OXR1: variants seen among roughly 807,000 people sequenced by gnomAD.
OXR1 encodes oxidation resistance protein 1.
A neutral mutation model predicts 104.6 loss-of-function variants in OXR1; 41 were observed. The ratio of observed to expected loss-of-function variants is 0.39; its 90% confidence interval spans 0.31 to 0.51. The LOEUF is 0.51. OXR1 is among the 20% of genes least tolerant of loss of function. OXR1 has a pLI of 0.77. For missense variants in OXR1, 955 were observed against 1,031.9 expected (o/e 0.93, Z 1.02); for synonymous variants, 348 against 348.4 (o/e 1.00, Z 0.01).
chr8:106,432,967 G>T (rs1346045211), intron 2 of OXR1, among the ~76,000 whole-genome samples: 1 of 152,158 alleles, frequency 6.6e-6, no homozygotes, highest in African/African-American at 2.4e-5. Flanking sequence ...TCCATATTGA[G>T]ATTGATCTAT....
At position 106,752,285 on chromosome 8, in the gene OXR1, A is replaced by C. The variant is rs1835936234; in HGVS notation, c.*1344A>C. The C allele has an allele frequency of 2.0e-5, 3 of 152,658 alleles. No individual in the cohort carries two copies. Among genetic ancestry groups the C allele is most frequent in the Middle Eastern group, 3.4e-3 (1 of 294 alleles). The allele number at this position is 152,658 out of a possible 1,614,324, so 9.5% of individuals were successfully genotyped here. A position where few individuals can be genotyped will look rare whatever the true frequency, so the allele number is the denominator to read the frequency against. On this transcript the variant is annotated 3_prime_UTR_variant, in exon 17 of 17. Transcript: ENST00000517566. ...CAGGTTGCTTATAGCACTTTAAGTT[A>C]TTCTAAAAATGAAATTATAAGCCAA...
At chr8:106,454,885 G>A (rs1820518595) in intron 2 of OXR1, among the ~76,000 whole-genome samples, 2 of 152,110 alleles carry the variant, frequency 1.3e-5, no homozygotes, top group Non-Finnish European at 2.9e-5. Flanking sequence ...TTCCCCAGAT[G>A]GACGGGGTCT....
intron 3 of OXR1, among the ~76,000 whole-genome samples, chr8:106,630,381 A>G (rs897866733): frequency 2.0e-5 from 3 of 152,214 alleles, no homozygotes; most frequent in African/African-American, 7.2e-5. Context: ...CAGCTAAGAA[A>G]ACTGGGGCAC....
intron 2 of OXR1, among the ~76,000 whole-genome samples, chr8:106,485,755 A>G (rs574947208): frequency 6.6e-6 from 1 of 152,236 alleles, no homozygotes; most frequent in Non-Finnish European, 1.5e-5. Flanking sequence ...GTATATATAC[A>G]TGATGGAATA....
chr8:106,715,869 G>A (rs536479122), intron 11 of OXR1, among the ~76,000 whole-genome samples: 6 of 152,232 alleles, frequency 3.9e-5, no homozygotes, highest in South Asian at 2.1e-4. Flanking sequence ...TCCTTTGACC[G>A]GAATTGGTGC....
chr8:106,522,292 A>G (rs1813319199), intron 3 of OXR1, among the ~76,000 whole-genome samples: 1 of 152,212 alleles, frequency 6.6e-6, no homozygotes, highest in South Asian at 2.1e-4. Context: ...GGCATAATAT[A>G]TGCATATAAC....
At chr8:106,588,370 G>T (rs1405681722) in intron 3 of OXR1, among the ~76,000 whole-genome samples, 1 of 152,062 alleles carries the variant, frequency 6.6e-6, no homozygotes, top group Non-Finnish European at 1.5e-5. Context: ...AGGACTGCCA[G>T]ATATTGGGTT....
At chr8:106,666,044 A>C (rs1400000070) in intron 3 of OXR1, among the ~76,000 whole-genome samples, 1 of 152,204 alleles carries the variant, frequency 6.6e-6, no homozygotes. Context: ...TCAAAAATCT[A>C]TTTTTAATTT....
chr8:106,582,715 T>C (rs1225103928), intron 3 of OXR1, among the ~76,000 whole-genome samples: 1 of 152,182 alleles, frequency 6.6e-6, no homozygotes, highest in Non-Finnish European at 1.5e-5. Flanking sequence ...GTTTTTCCTC[T>C]TTTTAGAAAA....
At chr8:106,418,364 G>A (rs1818764449) in intron 2 of OXR1, among the ~76,000 whole-genome samples, 1 of 151,862 alleles carries the variant, frequency 6.6e-6, no homozygotes, top group East Asian at 1.9e-4. Context: ...TATATTTCAT[G>A]GCATTGCCCT....
intron 3 of OXR1, among the ~76,000 whole-genome samples, chr8:106,627,092 C>A (rs761612601): frequency 5.3e-5 from 8 of 151,982 alleles, no homozygotes; most frequent in South Asian, 2.1e-4. Context: ...AAAGTACATT[C>A]TATTAAGCAA....
chr8:106,441,933 G>A (rs1354983628), intron 2 of OXR1, among the ~76,000 whole-genome samples: 1 of 152,052 alleles, frequency 6.6e-6, no homozygotes. Flanking sequence ...GATTGCCCTG[G>A]CCAAAACTTC....
intron 3 of OXR1, among the ~76,000 whole-genome samples, chr8:106,572,955 T>C (rs1042980465): frequency 2.0e-5 from 3 of 152,106 alleles, no homozygotes; most frequent in Admixed American, 6.5e-5. Flanking sequence ...GGAGAGCTGA[T>C]GTGTAGTTCC....
At chr8:106,523,021 C>T (rs1478447980) in intron 3 of OXR1, among the ~76,000 whole-genome samples, 6 of 152,118 alleles carry the variant, frequency 3.9e-5, no homozygotes, top group Admixed American at 3.9e-4. Flanking sequence ...TGCTTCTAAG[C>T]TCATTCTTAT....
Position 106,706,661 on chromosome 8 carries a change from T to C in OXR1, c.1140T>C (p.Ser380=). 5 of 1,613,504 alleles carry C rather than the reference T, an allele frequency of 3.1e-6. No homozygotes were observed. The highest frequency in any genetic ancestry group is 3.4e-6 in the Non-Finnish European group (4 of 1,179,786). Residue 380 remains serine, a synonymous_variant, in exon 9 of 17, where the codon AGT becomes AGC. Coordinates refer to ENST00000517566, the MANE Select transcript of OXR1 (RefSeq NM_001198533.2). ...CTGTCAATCAGGCTGAAGTAGAAAG[T>C]CTGACAGTCAAATCAGAATCTACTG... ...VQTVNQAEVE[S]LTVKSESTGT... is the part of the protein sequence containing the mutation.
intron 1 of OXR1, among the ~76,000 whole-genome samples, chr8:106,318,902 G>T (rs1167268166): frequency 6.6e-6 from 1 of 152,202 alleles, no homozygotes. Context: ...AAAAGTCATT[G>T]TAATAAATGA....
intron 3 of OXR1, among the ~76,000 whole-genome samples, chr8:106,562,022 C>T (rs1453690300): frequency 4.6e-5 from 7 of 152,072 alleles, no homozygotes; most frequent in Non-Finnish European, 7.4e-5. Flanking sequence ...GAGGAAAAAC[C>T]AGTGCAAAAA....
chr8:106,640,498 C>T (rs1160951213), intron 3 of OXR1, among the ~76,000 whole-genome samples: 1 of 151,758 alleles, frequency 6.6e-6, no homozygotes, highest in Non-Finnish European at 1.5e-5. Context: ...CTGTATGGCG[C>T]TCTTTTTATT....
At chr8:106,513,410 T>TACACACACACACACAC (rs10582378) in intron 2 of OXR1, among the ~76,000 whole-genome samples, 1 of 150,802 alleles carries the variant, frequency 6.6e-6, no homozygotes, top group African/African-American at 2.4e-5. Flanking sequence ...CGTGGATTTA[T>TACACACACACACACAC]ACACACACAC....
Sources: gnomAD v4.1 joint callset for allele counts (sites outside exome capture counted in the v4.1 genomes callset) on GRCh38, gnomAD v4.1.1 for gene constraint, MANE v1.5 for transcripts, NCBI Gene and HGNC (gene_info 2026-07-23, HGNC 2026-07-21) for gene names.